Variants in TRHDE observed in about 807,000 individuals in gnomAD.
TRHDE encodes the protein thyrotropin-releasing hormone-degrading ectoenzyme.
A neutral mutation model predicts 125.7 loss-of-function variants in TRHDE; 72 were observed. The observed-to-expected ratio is 0.57, with a 90% CI of 0.47 to 0.70. The LOEUF is 0.70. Ranked by LOEUF, TRHDE falls within the 30% of genes least tolerant of loss-of-function variation. The pLI, the probability that TRHDE is intolerant of heterozygous loss-of-function variation, is 0.00. For synonymous variants in TRHDE, 509 were observed against 509.1 expected (o/e 1.00, Z 0.00); for missense variants, 1,110 against 1,327.1 (o/e 0.84, Z 2.54).
chr12:72,525,527 T>G (rs2096649945), intron 6 of TRHDE, among the ~76,000 whole-genome samples: 1 of 152,154 alleles, frequency 6.6e-6, no homozygotes, highest in Admixed American at 6.6e-5. Flanking sequence ...TACTTAAATT[T>G]GTTTGCCTTT....
chr12:72,491,961 G>A (rs1159975370), intron 5 of TRHDE, among the ~76,000 whole-genome samples: 1 of 151,934 alleles, frequency 6.6e-6, no homozygotes, highest in Non-Finnish European at 1.5e-5. Flanking sequence ...TTCCATAAAA[G>A]GTTATGCAAA....
At chr12:72,158,941 A>G (rs1366756208) in intron 2 of TRHDE, among the ~76,000 whole-genome samples, 1 of 152,218 alleles carries the variant, frequency 6.6e-6, no homozygotes, top group Non-Finnish European at 1.5e-5. Flanking sequence ...TGGCCAATCA[A>G]TGTGCCAAGT....
At chr12:72,259,884 T>C (rs1878907528) in intron 2 of TRHDE, among the ~76,000 whole-genome samples, 1 of 152,180 alleles carries the variant, frequency 6.6e-6, no homozygotes, top group Non-Finnish European at 1.5e-5. Flanking sequence ...CTGGCCTCAT[T>C]TTCTAACTGA....
chr12:72,241,887 T>C (rs532839797), intron 2 of TRHDE, among the ~76,000 whole-genome samples: 1 of 152,290 alleles, frequency 6.6e-6, no homozygotes, highest in Non-Finnish European at 1.5e-5. Context: ...TGTCATGGTT[T>C]TAATTTGCAT....
intron 12 of TRHDE, among the ~76,000 whole-genome samples, chr12:72,615,297 T>C (rs966914411): frequency 4.6e-5 from 7 of 152,188 alleles, no homozygotes; most frequent in African/African-American, 1.4e-4. Flanking sequence ...GTTAGCAATA[T>C]TTCCCTGTGG....
At chr12:72,609,503 CAT>C (rs1872563019) in intron 12 of TRHDE, among the ~76,000 whole-genome samples, 2 of 151,964 alleles carry the variant, frequency 1.3e-5, no homozygotes, top group South Asian at 4.1e-4. Flanking sequence ...GCAAGTTTGT[CAT>C]ATAGGTAAAT....
At chr12:72,556,208 C>A (rs1208348737) in intron 7 of TRHDE, among the ~76,000 whole-genome samples, 1 of 152,132 alleles carries the variant, frequency 6.6e-6, no homozygotes, top group Non-Finnish European at 1.5e-5. Flanking sequence ...TAATTTCTTA[C>A]TACGGGTTGC....
intron 2 of TRHDE, among the ~76,000 whole-genome samples, chr12:72,187,315 ACACACAC>A (rs1215571085): frequency 7.0e-5 from 7 of 100,302 alleles, no homozygotes; most frequent in Admixed American, 1.0e-4. Flanking sequence ...AACACAACAC[ACACACAC>A]ACACACACAC....
chr12:72,399,903 T>C (rs1872967290), intron 3 of TRHDE, among the ~76,000 whole-genome samples: 1 of 152,180 alleles, frequency 6.6e-6, no homozygotes, highest in South Asian at 2.1e-4. Flanking sequence ...TTTTAAAATG[T>C]AGATGAATAA....
Position 72,631,209 on chromosome 12 carries a change from T to C in TRHDE, c.2675+9458T>C, listed in dbSNP as rs183512846. 1.1e-4 allele frequency among the ~76,000 whole-genome samples: 16 copies of C among 151,880 alleles called. No homozygotes were observed. In the East Asian group the frequency reaches 3.1e-3, roughly 29 times the overall value. The stretch of plus-strand genomic sequence containing the variant: ...ATAACCAATTACATGTATATATGCA[T>C]GTATACACCTTAAATATTTCAATTT... On this transcript the variant is annotated intron_variant, in intron 15 of 18. Transcript: ENST00000261180.
At chr12:72,328,049 G>C (rs1869419785) in intron 2 of TRHDE, among the ~76,000 whole-genome samples, 1 of 152,102 alleles carries the variant, frequency 6.6e-6, no homozygotes, top group Admixed American at 6.6e-5. Flanking sequence ...TGGCCCACGA[G>C]TATCATCAGA....
At chr12:72,263,420 T>C (rs1251711200) in intron 2 of TRHDE, 6 of 151,964 alleles carry the variant, frequency 3.9e-5, no homozygotes, top group African/African-American at 1.5e-4. Context: ...TTGTTTTGTT[T>C]TGTTTGTTTT....
intron 1 of TRHDE, among the ~76,000 whole-genome samples, chr12:72,102,642 T>C (rs1875095559): frequency 6.6e-6 from 1 of 152,160 alleles, no homozygotes. Context: ...GCAAAAGCTT[T>C]GGGAGTTTAA....
At position 72,463,247 on chromosome 12, in the gene TRHDE, G is replaced by A. The variant is rs1876211352; in HGVS notation, c.1316-6511G>A. On this transcript the variant is annotated intron_variant, in intron 3 of 18. Coordinates refer to ENST00000261180, the MANE Select transcript of TRHDE (RefSeq NM_013381.3). ...AATTGCTAGGATATTTATTTCTTCA[G>A]CATTAAAACTCTTGTCTTCCAGAAC... Among the ~76,000 whole-genome samples, 7 of 152,272 alleles carry A rather than the reference G, an allele frequency of 4.6e-5. 1 individual carries two copies. The South Asian group carries it at 1.4e-3, about 32-fold the overall frequency.
upstream of TRHDE, among the ~76,000 whole-genome samples, chr12:72,270,218 G>GA (rs1384522508): frequency 6.6e-6 from 1 of 152,144 alleles, no homozygotes; most frequent in Non-Finnish European, 1.5e-5. Flanking sequence ...AAACAGAGCA[G>GA]AAAAAAGTAA....
At chr12:72,528,243 GTTTA>G (rs1868376336) in intron 6 of TRHDE, among the ~76,000 whole-genome samples, 2 of 152,122 alleles carry the variant, frequency 1.3e-5, no homozygotes, top group South Asian at 4.1e-4. Flanking sequence ...TAAAAGCCTT[GTTTA>G]TTTAGTACCT....
chr12:72,400,050 G>C (rs1456048540), intron 3 of TRHDE, among the ~76,000 whole-genome samples: 1 of 152,022 alleles, frequency 6.6e-6, no homozygotes, highest in African/African-American at 2.4e-5. Context: ...CTTATGATTT[G>C]TTATATTCTT....
intron 2 of TRHDE, among the ~76,000 whole-genome samples, chr12:72,154,267 C>T (rs980211472): frequency 3.3e-5 from 5 of 152,048 alleles, no homozygotes; most frequent in African/African-American, 4.8e-5. Flanking sequence ...TCCTCCATCC[C>T]TTTATTTTGA....
Position 72,273,129 on chromosome 12 carries a change from G to A in TRHDE, c.486G>A (p.Pro162=), listed in dbSNP as rs931459945. ...CCGAGGCGGGTGGGGTGGCCAGTCC[G>A]GGGACCACGTCGGCCCAGCCGCCGT... ...WQPEAGGVAS[P]GTTSAQPPSE... is the part of the protein sequence containing the mutation. Residue 162 remains proline (P), a synonymous_variant, in exon 1 of 19, where the codon CCG becomes CCA. Coordinates refer to ENST00000261180, the MANE Select transcript of TRHDE (RefSeq NM_013381.3). This position sits in a 1 kb window ranked among gnomAD's most constrained non-coding sequence, Gnocchi z 5.3. The A allele has an allele frequency of 1.1e-5, 17 of 1,547,522 alleles. No individual in the cohort carries two copies. The highest frequency in any genetic ancestry group is 1.4e-5 in the Non-Finnish European group (16 of 1,147,044).
Sources: allele counts gnomAD v4.1 joint callset (sites outside exome capture counted in the v4.1 genomes callset), GRCh38; gene constraint gnomAD v4.1.1; non-coding constraint Gnocchi (gnomAD v3.1); transcripts MANE v1.5; gene names NCBI Gene and HGNC (gene_info 2026-07-23, HGNC 2026-07-21).